Variants in CNTN5 observed in about 807,000 individuals in gnomAD.
CNTN5 encodes contactin-5.
A neutral mutation model predicts 129.1 loss-of-function variants in CNTN5; 77 were observed. The observed-to-expected ratio is 0.60, with a 90% confidence interval of 0.50 to 0.72. The LOEUF (loss-of-function observed/expected upper bound fraction) is 0.72, where lower values mean the gene tolerates loss of function less well. Among genes scored for constraint, CNTN5 ranks in the 30% least tolerant of loss-of-function variants. The pLI, the probability that CNTN5 is intolerant of heterozygous loss-of-function variation, is 0.00. For missense variants in CNTN5, 1,478 were observed against 1,328.8 expected, an observed-to-expected ratio of 1.11 and a Z score of -1.75; for synonymous variants, 509 against 465.6, an observed-to-expected ratio of 1.09 and a Z score of -1.20.
intron 2 of CNTN5, among the ~76,000 whole-genome samples, chr11:99,540,531 G>C (rs1056735581): frequency 6.6e-6 from 1 of 152,044 alleles, no homozygotes; most frequent in Non-Finnish European, 1.5e-5. Context: ...CAAACTAATT[G>C]CTACAAAAAG....
rs188475780 is a variant in CNTN5 at position 99,820,688 on chromosome 11, C to T, written c.277+923C>T. Reference sequence around the variant, plus strand: ...ATATGTGAAGTAGATATTGTTACTGCCTTCTATAGAAATGAAAACTCTGGG... The same window carrying T: ...ATATGTGAAGTAGATATTGTTACTGTCTTCTATAGAAATGAAAACTCTGGG... On this transcript the variant is annotated intron_variant, in intron 4 of 24. Coordinates refer to ENST00000524871, the MANE Select transcript of CNTN5 (RefSeq NM_014361.4). 2.2e-4 allele frequency among the ~76,000 whole-genome samples: 33 copies of T among 152,264 alleles called. No homozygotes were observed. In the East Asian group the frequency reaches 4.2e-3, roughly 20 times the overall value.
At chr11:99,899,715 T>C (rs1255360564) in intron 6 of CNTN5, among the ~76,000 whole-genome samples, 1 of 152,028 alleles carries the variant, frequency 6.6e-6, no homozygotes, top group Non-Finnish European at 1.5e-5. Flanking sequence ...CCTTCCCTGA[T>C]TTTGGTATCA....
intron 3 of CNTN5, among the ~76,000 whole-genome samples, chr11:99,581,273 AGGTGT>A (rs1565317510): frequency 7.3e-6 from 1 of 137,234 alleles, no homozygotes; most frequent in Non-Finnish European, 1.5e-5. Context: ...ATTTTGGAGT[AGGTGT>A]GGTGTGGTGC....
intron 8 of CNTN5, among the ~76,000 whole-genome samples, chr11:99,975,575 A>T (rs7103510): frequency 5.9e-5 from 9 of 152,056 alleles, no homozygotes; most frequent in African/African-American, 2.2e-4. Flanking sequence ...GGGATGCCTC[A>T]AAAAACTTAC....
At chr11:99,312,791 A>G (rs1865170462) in intron 1 of CNTN5, among the ~76,000 whole-genome samples, 1 of 143,034 alleles carries the variant, frequency 7.0e-6, no homozygotes, top group Non-Finnish European at 1.5e-5. Flanking sequence ...AGAAGAAAAA[A>G]GGATTTAAGA....
chr11:100,070,165 CAAA>C (rs3061793), intron 10 of CNTN5, among the ~76,000 whole-genome samples: 7 of 109,246 alleles, frequency 6.4e-5, no homozygotes, highest in Admixed American at 9.9e-5. Flanking sequence ...ACTTAAAGTC[CAAA>C]AAAAAAAAAA....
chr11:100,158,448 A>G (rs1947329714), intron 13 of CNTN5, among the ~76,000 whole-genome samples: 1 of 151,938 alleles, frequency 6.6e-6, no homozygotes, highest in South Asian at 2.1e-4. Flanking sequence ...TACATATATC[A>G]AAACTTCATG....
At chr11:99,540,125 G>GA (rs999574140) in intron 2 of CNTN5, among the ~76,000 whole-genome samples, 12 of 151,988 alleles carry the variant, frequency 7.9e-5, no homozygotes, top group African/African-American at 2.9e-4. Flanking sequence ...AGGATGTTAT[G>GA]AAAAACAATA....
At chr11:99,490,669 G>A (rs750663428) in intron 2 of CNTN5, among the ~76,000 whole-genome samples, 5 of 152,138 alleles carry the variant, frequency 3.3e-5, no homozygotes, top group South Asian at 2.1e-4. Context: ...CAAGCTGCCT[G>A]CTGATTGCAT....
At chr11:99,597,152 T>C (rs908840130) in intron 3 of CNTN5, among the ~76,000 whole-genome samples, 24 of 152,270 alleles carry the variant, frequency 1.6e-4, no homozygotes, top group Middle Eastern at 3.4e-3. Context: ...TATTAAACAA[T>C]ACCAATCATA....
At chr11:100,316,995 G>A (rs1189782024) in intron 21 of CNTN5, among the ~76,000 whole-genome samples, 1 of 152,188 alleles carries the variant, frequency 6.6e-6, no homozygotes, top group Non-Finnish European at 1.5e-5. Context: ...CTACGTGCAA[G>A]GTTCACATGT....
intron 3 of CNTN5, among the ~76,000 whole-genome samples, chr11:99,577,833 T>TTAA (rs1949410694): frequency 6.6e-6 from 1 of 151,004 alleles, no homozygotes; most frequent in Non-Finnish European, 1.5e-5. Flanking sequence ...TTTATTATTA[T>TTAA]TATTATTATT....
chr11:99,220,830 T>C (rs1461010768), intron 1 of CNTN5, among the ~76,000 whole-genome samples: 2 of 151,834 alleles, frequency 1.3e-5, no homozygotes, highest in African/African-American at 4.8e-5. Context: ...AAAGTATAAA[T>C]GTAAGCCACT....
chr11:99,165,462 C>T (rs76614463), intron 1 of CNTN5, among the ~76,000 whole-genome samples: 12,924 of 152,134 alleles, frequency 0.085, 600 homozygotes, highest in African/African-American at 0.1. Flanking sequence ...TGGTTTTACA[C>T]TAGCCGTCTG....
intron 3 of CNTN5, among the ~76,000 whole-genome samples, chr11:99,690,669 TCTC>T: frequency 6.6e-6 from 1 of 152,284 alleles, no homozygotes; most frequent in African/African-American, 2.4e-5. Flanking sequence ...CATTTGTAGT[TCTC>T]CTTGAAGAGG....
rs547137310 is a variant in CNTN5 at position 99,159,601 on chromosome 11, A to G, written c.-210+138331A>G. 7.9e-4 allele frequency among the ~76,000 whole-genome samples: 120 copies of G among 152,286 alleles called. No individual in the cohort carries two copies. In the Middle Eastern group the frequency reaches 0.01, roughly 13 times the overall value. ...TGCACCACTGCACTCCAGCCTGGGC[A>G]ACAGAGCGAGACTCTGTCTCAAAAG... On this transcript the variant is annotated intron_variant, in intron 1 of 24. Transcript: ENST00000524871.
intron 10 of CNTN5, among the ~76,000 whole-genome samples, chr11:100,068,008 TA>T (rs1051861779): frequency 6.6e-6 from 1 of 152,194 alleles, no homozygotes; most frequent in Non-Finnish European, 1.5e-5. Flanking sequence ...TTAAATATTT[TA>T]ACTGTTCTTT....
At position 99,447,001 on chromosome 11, in the gene CNTN5, C is replaced by T. The variant is rs140788896; in HGVS notation, c.-70-109144C>T. On this transcript the variant is annotated intron_variant, in intron 2 of 24. Coordinates refer to ENST00000524871, the MANE Select transcript of CNTN5 (RefSeq NM_014361.4). The stretch of plus-strand genomic sequence containing the variant: ...TTTTGAGGCGAAGGGAAGTCTAAGC[C>T]TCTTTGCCCCAAGCCTACTGTTGTT... Among the ~76,000 whole-genome samples the T allele has an allele frequency of 5.4e-4, 82 of 152,252 alleles. No individual in the cohort carries two copies. The East Asian group carries it at 0.012, about 23-fold the overall frequency.
intron 1 of CNTN5, among the ~76,000 whole-genome samples, chr11:99,052,572 T>G (rs1385322043): frequency 6.6e-6 from 1 of 151,900 alleles, no homozygotes; most frequent in Admixed American, 6.6e-5. Context: ...TTAATGCATT[T>G]CTAAGAACAT....
Sources: allele counts gnomAD v4.1 joint callset (sites outside exome capture counted in the v4.1 genomes callset), GRCh38; gene constraint gnomAD v4.1.1; transcripts MANE v1.5; gene names NCBI Gene and HGNC (gene_info 2026-07-23, HGNC 2026-07-21).